Variants in SMAD1 observed in about 807,000 individuals in gnomAD.
SMAD1 encodes MAD, mothers against decapentaplegic homolog 1.
SMAD1 carries 6 observed loss-of-function variants against 41.6 expected under a neutral mutation model. That is an observed-to-expected ratio of 0.14 (90% CI 0.08 to 0.28). The LOEUF (loss-of-function observed/expected upper bound fraction) is 0.28. Among genes scored for constraint, SMAD1 ranks in the 10% least tolerant of loss-of-function variants. The pLI, the probability that SMAD1 is intolerant of heterozygous loss-of-function variation, is 1.00. For synonymous variants in SMAD1, 206 were observed against 203.2 expected, an observed-to-expected ratio of 1.01 and a Z score of -0.12; for missense variants, 379 against 582.6, an observed-to-expected ratio of 0.65 and a Z score of 3.60.
At chr4:145,481,768 G>GGTGA (rs1275598542), upstream of SMAD1, 1 of 196,640 alleles carries the variant, frequency 5.1e-6, no homozygotes, top group Non-Finnish European at 1.0e-5. Flanking sequence ...CGTGTGAGCG[G>GGTGA]GCGGGCGGGC....
chr4:145,489,873 G>A (rs1045960679), intron 1 of SMAD1, among the ~76,000 whole-genome samples: 8 of 152,148 alleles, frequency 5.3e-5, no homozygotes, highest in Non-Finnish European at 1.2e-4. Flanking sequence ...GAAGGAAGAG[G>A]CTAATTTGAA....
chr4:145,535,131 T>C (rs979569503), intron 2 of SMAD1, among the ~76,000 whole-genome samples: 9 of 152,032 alleles, frequency 5.9e-5, no homozygotes, highest in African/African-American at 1.9e-4. Context: ...ATAAGAGAAA[T>C]GTAAATTAAA....
At chr4:145,492,966 C>G (rs965434083) in intron 1 of SMAD1, among the ~76,000 whole-genome samples, 6 of 152,220 alleles carry the variant, frequency 3.9e-5, no homozygotes, top group Non-Finnish European at 8.8e-5. Context: ...TGAGTTCTTA[C>G]CTTGCCACTA....
chr4:145,546,147 A>T (rs1041288562), intron 4 of SMAD1: 1 of 156,066 alleles, frequency 6.4e-6, no homozygotes, highest in Non-Finnish European at 1.4e-5. Flanking sequence ...TGTAGCTGTG[A>T]TAGTTATTGG....
At chr4:145,508,396 T>C (rs564184227) in intron 1 of SMAD1, among the ~76,000 whole-genome samples, 5 of 152,300 alleles carry the variant, frequency 3.3e-5, no homozygotes, top group African/African-American at 1.2e-4. Context: ...TATAGCTGTC[T>C]ACATAACTTT....
intron 1 of SMAD1, among the ~76,000 whole-genome samples, chr4:145,507,996 A>T (rs1729880886): frequency 6.6e-6 from 1 of 151,064 alleles, no homozygotes; most frequent in African/African-American, 2.4e-5. Flanking sequence ...AAGTGCTGTG[A>T]TCTTTCACTT....
intron 1 of SMAD1, among the ~76,000 whole-genome samples, chr4:145,505,838 A>T (rs1181300267): frequency 6.6e-6 from 1 of 152,060 alleles, no homozygotes; most frequent in Non-Finnish European, 1.5e-5. Flanking sequence ...AAGGAAAAAA[A>T]AGGTCAAACA....
At chr4:145,526,980 G>T (rs1731046465) in intron 2 of SMAD1, among the ~76,000 whole-genome samples, 1 of 152,076 alleles carries the variant, frequency 6.6e-6, no homozygotes, top group Non-Finnish European at 1.5e-5. Context: ...CATGTGAAAA[G>T]GCTTTATGTA....
At chr4:145,484,631 A>G (rs1388264941) in intron 1 of SMAD1, 2 of 152,220 alleles carry the variant, frequency 1.3e-5, no homozygotes, top group Non-Finnish European at 2.9e-5. Context: ...TTTCTGTAGA[A>G]AAATTTAAGA....
At chr4:145,510,355 T>G (rs1486712890) in intron 1 of SMAD1, among the ~76,000 whole-genome samples, 1 of 152,126 alleles carries the variant, frequency 6.6e-6, no homozygotes. Flanking sequence ...AGAGTGTTAG[T>G]TTTCAGCTTT....
rs538535397 is a variant in SMAD1, at chr4:145,538,895, C to G, written c.401-909C>G. 3.3e-5 allele frequency among the ~76,000 whole-genome samples: 5 copies of G among 152,272 alleles called. No homozygotes were observed. In the East Asian group the frequency reaches 9.6e-4, roughly 29 times the overall value. On this transcript the variant is annotated intron_variant, in intron 2 of 6. Coordinates refer to ENST00000302085, the MANE Select transcript of SMAD1 (RefSeq NM_005900.3). ...CTCTGTAACTGACTGTTAGCCAGCC[C>G]TGCCTCTCCAGGATAATTATATTTA...
chr4:145,550,313 G>A (rs550002092), intron 5 of SMAD1, among the ~76,000 whole-genome samples: 1 of 152,272 alleles, frequency 6.6e-6, no homozygotes, highest in African/African-American at 2.4e-5. Context: ...AGGAGTTCGA[G>A]ACCAGCCTGG....
intron 1 of SMAD1, among the ~76,000 whole-genome samples, chr4:145,483,336 C>G (rs1362171510): frequency 6.6e-6 from 1 of 152,190 alleles, no homozygotes; most frequent in Non-Finnish European, 1.5e-5. Context: ...CAGAATGCCT[C>G]TATTTCAGAA....
intron 1 of SMAD1, chr4:145,513,138 G>A (rs543616932): frequency 1.2e-4 from 19 of 152,282 alleles, no homozygotes; most frequent in Admixed American, 9.2e-4. Flanking sequence ...CTTTCTGCTC[G>A]GCTCCTAGAC....
At chr4:145,513,989 T>C (rs1264707083) in intron 1 of SMAD1, among the ~76,000 whole-genome samples, 2 of 152,214 alleles carry the variant, frequency 1.3e-5, no homozygotes, top group African/African-American at 4.8e-5. Flanking sequence ...TAATAAAATA[T>C]CATAGACTGG....
At chr4:145,532,303 AT>A (rs367589283) in intron 2 of SMAD1, among the ~76,000 whole-genome samples, 12 of 152,218 alleles carry the variant, frequency 7.9e-5, no homozygotes, top group African/African-American at 2.9e-4. Context: ...AAATCTGAAG[AT>A]TTTTTTCTCC....
At chr4:145,545,905 AT>A (rs1410722355) in intron 4 of SMAD1, 1 of 152,184 alleles carries the variant, frequency 6.6e-6, no homozygotes, top group Admixed American at 6.5e-5. Flanking sequence ...CTGTTTGGAG[AT>A]TTGTTAGTCT....
rs1730517488 is a variant in SMAD1 at position 145,517,890 on chromosome 4, C to T, written c.400+2877C>T. Among the ~76,000 whole-genome samples the T allele has an allele frequency of 1.6e-5, 2 of 126,692 alleles. 1 individual carries two copies. The highest frequency in any genetic ancestry group is 5.1e-5 in the African/African-American group (2 of 39,602). 83.1% of individuals were successfully genotyped at this position (126,692 alleles called of 152,430 possible). Reference sequence around the variant, plus strand: ...CTCCACAAATGCCATTTCAGCCTCTCCTTTACCCAGGAATCTTGTGAGTCA... The same window carrying T: ...CTCCACAAATGCCATTTCAGCCTCTTCTTTACCCAGGAATCTTGTGAGTCA... On this transcript the variant is annotated intron_variant, in intron 2 of 6. Coordinates refer to ENST00000302085, the MANE Select transcript of SMAD1 (RefSeq NM_005900.3).
At chr4:145,546,428 A>C (rs1732256188) in intron 4 of SMAD1, 1 of 432,882 alleles carries the variant, frequency 2.3e-6, no homozygotes, top group African/African-American at 2.0e-5. Context: ...AATATTCAGC[A>C]AAAGTTTTTG....
Sources: gnomAD v4.1 joint callset for allele counts (sites outside exome capture counted in the v4.1 genomes callset) on GRCh38, gnomAD v4.1.1 for gene constraint, MANE v1.5 for transcripts, NCBI Gene and HGNC (gene_info 2026-07-23, HGNC 2026-07-21) for gene names.